The following ALOX5 variants were observed in gnomAD, a reference collection of about 807,000 sequenced individuals.
The protein encoded by ALOX5 is polyunsaturated fatty acid 5-lipoxygenase.
A neutral mutation model predicts 87.9 loss-of-function variants in ALOX5; 64 were observed. That is an observed-to-expected ratio of 0.73 (90% CI 0.60 to 0.90). The LOEUF is 0.90. ALOX5 is among the 40% of genes least tolerant of loss of function. The pLI, the probability that ALOX5 is intolerant of heterozygous loss-of-function variation, is 0.00. For missense variants in ALOX5, 822 were observed against 907.5 expected (o/e 0.91, Z 1.21); for synonymous variants, 388 against 355.1 (o/e 1.09, Z -1.04).
At chr10:45,420,603 C>T (rs1179106747) in intron 4 of ALOX5, among the ~76,000 whole-genome samples, 2 of 152,244 alleles carry the variant, frequency 1.3e-5, no homozygotes, top group African/African-American at 2.4e-5. Flanking sequence ...CTGAAGTCAC[C>T]GAGGAGGCCT....
In ALOX5 at chr10:45,409,497, C is replaced by CTCTG. The variant is rs1169788860; in HGVS notation, c.432-2682_432-2679dup. 3.4e-4 allele frequency among the ~76,000 whole-genome samples: 48 copies of CTCTG among 142,060 alleles called. 1 individual carries two copies. Among genetic ancestry groups the CTCTG allele is most frequent in the Non-Finnish European group, 4.9e-4 (32 of 65,464 alleles). 93.2% of individuals were successfully genotyped at this position (142,060 alleles called of 152,430 possible). On this transcript the variant is annotated intron_variant, in intron 3 of 13. Coordinates refer to ENST00000374391, the MANE Select transcript of ALOX5 (RefSeq NM_000698.5). ...TACTAACTGCATCCCCTTAGGATCT[C>CTCTG]TCTGTCTGTCTGTCTCTCTCTCTCT...
At chr10:45,392,617 G>C (rs145656938) in intron 2 of ALOX5, among the ~76,000 whole-genome samples, 5,628 of 151,264 alleles carry the variant, frequency 0.037, 157 homozygotes, top group African/African-American at 0.079. Flanking sequence ...GACCTTTGTT[G>C]ACTTGTTTAT....
intron 6 of ALOX5, among the ~76,000 whole-genome samples, chr10:45,427,048 C>T (rs1045395166): frequency 6.6e-6 from 1 of 152,186 alleles, no homozygotes; most frequent in Non-Finnish European, 1.5e-5. Context: ...CAGGCAAAAA[C>T]TCCACTGTCA....
rs1256474161 is a variant in ALOX5 at position 45,441,474 on chromosome 10, C to T, written c.1272+44C>T. 1.9e-6 allele frequency: 3 copies of T among 1,581,346 alleles called. No homozygotes were observed. The Admixed American group carries it at 5.0e-5, about 27-fold the overall frequency. The stretch of plus-strand genomic sequence containing the variant: ...TACTTGTTGCCTGGAAGAGCCCAGC[C>T]TGGCCGCCTTCACTCCCTATCTGAG... On this transcript the variant is annotated intron_variant, in intron 9 of 13. Coordinates refer to ENST00000374391, the MANE Select transcript of ALOX5 (RefSeq NM_000698.5).
In ALOX5 at chr10:45,440,077, G is replaced by A. The variant is rs139938489; in HGVS notation, c.982-353G>A. ...GAGGGAGCAGGGCAAGGAGGGAAGA[G>A]GGGGACAGCGATCCTCCCCCTCCGC... On this transcript the variant is annotated intron_variant, in intron 7 of 13. Coordinates refer to ENST00000374391, the MANE Select transcript of ALOX5 (RefSeq NM_000698.5). 3.7e-3 allele frequency among the ~76,000 whole-genome samples: 566 copies of A among 152,270 alleles called. 3 individuals are homozygous for A. The highest frequency in any genetic ancestry group is 0.013 in the African/African-American group (526 of 41,532).
chr10:45,418,662 G>A (rs1380649410), intron 4 of ALOX5, among the ~76,000 whole-genome samples: 2 of 152,154 alleles, frequency 1.3e-5, no homozygotes, highest in Non-Finnish European at 2.9e-5. Flanking sequence ...GAGGTACGTG[G>A]GGCCTGGAGA....
chr10:45,441,913 C>A (rs1310860515), intron 9 of ALOX5, among the ~76,000 whole-genome samples: 4 of 152,112 alleles, frequency 2.6e-5, no homozygotes, highest in African/African-American at 9.7e-5. Flanking sequence ...CAGGTAGCAC[C>A]CCACCTCGTT....
At position 45,378,054 on chromosome 10, in the gene ALOX5, C is replaced by T. The variant is rs368152572; in HGVS notation, c.150+3625C>T. Among the ~76,000 whole-genome samples the T allele has an allele frequency of 2.9e-4, 44 of 152,310 alleles. 2 individuals are homozygous for T. The highest frequency in any genetic ancestry group is 7.0e-4 in the African/African-American group (29 of 41,558). On this transcript the variant is annotated intron_variant, in intron 1 of 13. Transcript: ENST00000374391. ...ACTGTGTCCAGCCTTCCTCCTCCCA[C>T]GTGTGAATCCCCCGGGGACCCTGCC...
chr10:45,408,413 G>T (rs1356154679), intron 3 of ALOX5, among the ~76,000 whole-genome samples: 2 of 152,174 alleles, frequency 1.3e-5, no homozygotes, highest in Non-Finnish European at 2.9e-5. Context: ...GATTCAAAGA[G>T]TTTCTGATTG....
At chr10:45,378,068 G>A (rs1037890085) in intron 1 of ALOX5, among the ~76,000 whole-genome samples, 17 of 152,110 alleles carry the variant, frequency 1.1e-4, no homozygotes, top group South Asian at 2.1e-4. Flanking sequence ...TGAATCCCCC[G>A]GGGACCCTGC....
intron 1 of ALOX5, among the ~76,000 whole-genome samples, chr10:45,380,976 G>A (rs1302973026): frequency 6.6e-6 from 1 of 152,238 alleles, no homozygotes; most frequent in East Asian, 1.9e-4. Context: ...AGGGCATCGA[G>A]TCCGGGGCTT....
chr10:45,441,427 C>A lies in ALOX5; in HGVS notation c.1269C>A (p.Asp423Glu), dbSNP rs1272270076. 6.2e-7 allele frequency: 1 copy of A among 1,613,070 alleles called. No homozygotes were observed. Among genetic ancestry groups the A allele is most frequent in the Non-Finnish European group, 8.5e-7 (1 of 1,179,340 alleles). ...TCATCTGCGAGTGTGGCCTCTTTGA[C>A]AAGGTGGGTGCCCTCCTACCCTACT... ...EQLICECGLF[D>E]KANATGGGGH... is the part of the protein sequence containing the mutation. The change falls in exon 9 of 14, where the codon GAC (aspartate) becomes GAA (glutamate). Residue 423 changes from aspartate (D) to glutamate (E), a missense_variant. Asp to Glu is a conservative substitution (Grantham distance 45, BLOSUM62 2). Transcript: ENST00000374391.
intron 3 of ALOX5, among the ~76,000 whole-genome samples, chr10:45,405,011 G>C (rs1840827052): frequency 6.6e-6 from 1 of 152,090 alleles, no homozygotes; most frequent in Non-Finnish European, 1.5e-5. Flanking sequence ...ACTATTTCTT[G>C]CCTTCTGGGA....
chr10:45,388,237 C>T (rs1054228717), intron 2 of ALOX5, among the ~76,000 whole-genome samples: 10 of 152,358 alleles, frequency 6.6e-5, no homozygotes, highest in Admixed American at 6.5e-4. Flanking sequence ...GAAGGCCTGC[C>T]AGCCTCTGTA....
intron 7 of ALOX5, among the ~76,000 whole-genome samples, chr10:45,432,429 T>G (rs1695970112): frequency 6.6e-6 from 1 of 151,678 alleles, no homozygotes; most frequent in Non-Finnish European, 1.5e-5. Context: ...GTAAGGTTAC[T>G]GTTAAGCAGA....
chr10:45,418,126 G>A (rs1841361728), intron 4 of ALOX5, among the ~76,000 whole-genome samples: 1 of 152,188 alleles, frequency 6.6e-6, no homozygotes, highest in South Asian at 2.1e-4. Flanking sequence ...TCTGAGCACC[G>A]CCTCTGTGCT....
At chr10:45,400,419 G>A (rs1840658802) in intron 3 of ALOX5, among the ~76,000 whole-genome samples, 1 of 152,080 alleles carries the variant, frequency 6.6e-6, no homozygotes, top group African/African-American at 2.4e-5. Context: ...GGCCAACATG[G>A]TGAAACCCCA....
At chr10:45,414,707 T>A (rs1841206377) in intron 4 of ALOX5, among the ~76,000 whole-genome samples, 1 of 152,144 alleles carries the variant, frequency 6.6e-6, no homozygotes, top group Admixed American at 6.5e-5. Context: ...AAGGCTGATA[T>A]CCAGAATCTA....
chr10:45,387,710 G>A (rs1039560651), intron 2 of ALOX5, among the ~76,000 whole-genome samples: 1 of 152,214 alleles, frequency 6.6e-6, no homozygotes, highest in African/African-American at 2.4e-5. Flanking sequence ...GGGGCCCCAA[G>A]GCTTGCTGAG....
Sources: gnomAD v4.1 joint callset for allele counts (sites outside exome capture counted in the v4.1 genomes callset) on GRCh38, gnomAD v4.1.1 for gene constraint, MANE v1.5 for transcripts, NCBI Gene and HGNC (gene_info 2026-07-23, HGNC 2026-07-21) for gene names.